The following AGO4 variants were observed in gnomAD, a reference collection of about 807,000 sequenced individuals.
The protein encoded by AGO4 is protein argonaute-4.
AGO4 carries 33 observed loss-of-function variants against 104.7 expected under a neutral mutation model. That is an observed-to-expected ratio of 0.32 (90% CI 0.24 to 0.42). The LOEUF is 0.42. AGO4 is among the 10% of genes least tolerant of loss of function. The probability of loss-of-function intolerance (pLI) is 1.00; values close to 1 mark genes in which losing one functional copy is unlikely to be tolerated. For synonymous variants in AGO4, 331 were observed against 364.7 expected, an observed-to-expected ratio of 0.91 and a Z score of 1.05; for missense variants, 711 against 1,083.4, an observed-to-expected ratio of 0.66 and a Z score of 4.83.
intron 7 of AGO4, among the ~76,000 whole-genome samples, 189 bp downstream of exon 7, chr1:35,827,024 A>AC (rs1644038940): frequency 6.6e-6 from 1 of 151,778 alleles, no homozygotes; most frequent in South Asian, 2.1e-4. Context: ...AGATGGTGAA[A>AC]CCCCATCTCT....
chr1:35,820,339 T>G (rs1643865953), intron 2 of AGO4, among the ~76,000 whole-genome samples: 1 of 152,034 alleles, frequency 6.6e-6, no homozygotes, highest in African/African-American at 2.4e-5. Flanking sequence ...AAACTGAGAT[T>G]AAGAAAGTTT....
chr1:35,851,094 T>G, intron 17 of AGO4, 41 bp downstream of exon 17: 1 of 1,533,048 alleles, frequency 6.5e-7, no homozygotes, highest in Admixed American at 2.1e-5. Flanking sequence ...TATATTTTAG[T>G]AGCATGTTAA....
chr1:35,808,387 G>T lies in AGO4; in HGVS notation c.-30G>T. The T allele has an allele frequency of 9.2e-7, 1 of 1,088,586 alleles. No individual in the cohort carries two copies. The highest frequency in any genetic ancestry group is 1.7e-5 in the African/African-American group (1 of 59,340). The allele number at this position is 1,088,586 out of a possible 1,614,324, so 67.4% of individuals were successfully genotyped here. On this transcript the variant is annotated 5_prime_UTR_variant, in exon 1 of 18. Transcript: ENST00000373210. This position sits in a 1 kb window ranked among gnomAD's most constrained non-coding sequence, Gnocchi z 5.2. ...GGGGCCCGGAGCGGGAGGCGCCGGG[G>T]ACCGGGGCGAGGCGGCCCCCGCCGC...
intron 1 of AGO4, among the ~76,000 whole-genome samples, chr1:35,813,483 G>A (rs545699339): frequency 5.2e-4 from 79 of 151,732 alleles, no homozygotes; most frequent in Non-Finnish European, 8.0e-4. Context: ...TCAGCTGGGC[G>A]TGGTGGCTCA....
intron 3 of AGO4, among the ~76,000 whole-genome samples, chr1:35,824,808 AC>A (rs1216898646): frequency 1.3e-5 from 2 of 152,098 alleles, no homozygotes; most frequent in African/African-American, 4.8e-5. Context: ...CTCAAAAAAA[AC>A]TTATGATGTT....
At chr1:35,830,973 C>CA (rs543347096) in intron 7 of AGO4, among the ~76,000 whole-genome samples, 2,218 of 56,990 alleles carry the variant, frequency 0.039, 49 homozygotes, top group African/African-American at 0.1. Context: ...CTCTGTCTCA[C>CA]AAAAAAAAAA....
At chr1:35,849,591 G>A (rs1453106140) in intron 15 of AGO4, among the ~76,000 whole-genome samples, 3 of 150,720 alleles carry the variant, frequency 2.0e-5, no homozygotes, top group African/African-American at 7.3e-5. Flanking sequence ...GGAGGCTGAG[G>A]TGAAAGGATT....
Position 35,808,529 on chromosome 1 carries a change from G to C in AGO4, c.19+94G>C. 9.1e-7 allele frequency: 1 copy of C among 1,094,330 alleles called. No individual in the cohort carries two copies. Among genetic ancestry groups the C allele is most frequent in the Non-Finnish European group, 1.1e-6 (1 of 884,816 alleles). 67.8% of individuals were successfully genotyped at this position (1,094,330 alleles called of 1,614,324 possible). A position where few individuals can be genotyped will look rare whatever the true frequency, so the allele number is the denominator to read the frequency against. ...GCTGCCCCGTCGCCTCGCCGGGTTC[G>C]GGCCGCCAGGCCTCGGGGAAGGGGA... On this transcript the variant is annotated intron_variant, in intron 1 of 17. Transcript: ENST00000373210. This position sits in a 1 kb window ranked among gnomAD's most constrained non-coding sequence, Gnocchi z 5.2.
At position 35,854,555 on chromosome 1, in the gene AGO4, C is replaced by T. The variant is rs1644778539; in HGVS notation, c.*950C>T. ...CAATGTAGTTTTCTAGATGAGATTT[C>T]AGTATGATTTTATCAGCTATTTCTT... On this transcript the variant is annotated 3_prime_UTR_variant, in exon 18 of 18. Coordinates refer to ENST00000373210, the MANE Select transcript of AGO4 (RefSeq NM_017629.4). 6.6e-6 allele frequency: 1 copy of T among 152,616 alleles called. No individual in the cohort carries two copies. 9.5% of individuals were successfully genotyped at this position (152,616 alleles called of 1,614,324 possible).
chr1:35,857,826 A>G lies in AGO4; in HGVS notation c.*4221A>G, dbSNP rs1644846047. The stretch of plus-strand genomic sequence containing the variant: ...CTCTTGGGTCTCCCTATTTTTAAAA[A>G]TTGCTATTTGGTATACAATTATTAT... On this transcript the variant is annotated 3_prime_UTR_variant, in exon 18 of 18. Coordinates refer to ENST00000373210, the MANE Select transcript of AGO4 (RefSeq NM_017629.4). 2 of 152,256 alleles carry G rather than the reference A, an allele frequency of 1.3e-5. No homozygotes were observed. The highest frequency in any genetic ancestry group is 2.9e-5 in the Non-Finnish European group (2 of 68,046). The allele number at this position is 152,256 out of a possible 1,614,324, so 9.4% of individuals were successfully genotyped here. A position where few individuals can be genotyped will look rare whatever the true frequency, so the allele number is the denominator to read the frequency against.
chr1:35,855,947 G>A lies in AGO4; in HGVS notation c.*2342G>A, dbSNP rs1182835875. The A allele has an allele frequency of 6.6e-6, 1 of 152,228 alleles. No individual in the cohort carries two copies. The highest frequency in any genetic ancestry group is 6.5e-5 in the Admixed American group (1 of 15,286). 9.4% of individuals were successfully genotyped at this position (152,228 alleles called of 1,614,324 possible). On this transcript the variant is annotated 3_prime_UTR_variant, in exon 18 of 18. Transcript: ENST00000373210. The stretch of plus-strand genomic sequence containing the variant: ...CGGGCTTGCTTATTAATAACGCACA[G>A]AAGAAGCATCACTTCTCACCATCTC...
intron 7 of AGO4, 74 bp downstream of exon 7, chr1:35,826,909 A>C: frequency 2.0e-6 from 3 of 1,510,038 alleles, no homozygotes; most frequent in Middle Eastern, 3.5e-4. Context: ...TGTTTTAAGA[A>C]ATTGGTTATT....
chr1:35,841,106 TA>T lies in AGO4; in HGVS notation c.1725-56del. The T allele has an allele frequency of 6.4e-7, 1 of 1,551,144 alleles. No homozygotes were observed. Among genetic ancestry groups the T allele is most frequent in the Non-Finnish European group, 8.8e-7 (1 of 1,135,798 alleles). On this transcript the variant is annotated intron_variant, in intron 13 of 17. Coordinates refer to ENST00000373210, the MANE Select transcript of AGO4 (RefSeq NM_017629.4). This position sits in a 1 kb window ranked among gnomAD's most constrained non-coding sequence, Gnocchi z 4.7. ...ATTATATCTGGTGATATAATCTTGCTAAACTCAAACATTTTCACTTATATGT... is the reference window on the plus strand; with the variant it reads ...ATTATATCTGGTGATATAATCTTGCTAACTCAAACATTTTCACTTATATGT...
chr1:35,850,713 G>A (rs1338329813), intron 16 of AGO4, 141 bp from the exon 17 acceptor site: 13 of 692,022 alleles, frequency 1.9e-5, no homozygotes, highest in East Asian at 5.5e-5. Context: ...GTCCAGAGGC[G>A]GGGGTTTCTG....
Position 35,833,956 on chromosome 1 carries a change from G to T in AGO4, c.1380-34G>T, listed in dbSNP as rs565152108. 3.5e-6 allele frequency: 5 copies of T among 1,413,756 alleles called. No individual in the cohort carries two copies. The South Asian group carries it at 7.2e-5, about 20-fold the overall frequency. 87.6% of individuals were successfully genotyped at this position (1,413,756 alleles called of 1,614,324 possible). A position where few individuals can be genotyped will look rare whatever the true frequency, so the allele number is the denominator to read the frequency against. On this transcript the variant is annotated intron_variant, in intron 11 of 17. Coordinates refer to ENST00000373210, the MANE Select transcript of AGO4 (RefSeq NM_017629.4). ...GAATGCTAGAAATGTACTCTGAAAT[G>T]AAAAAAACCGTGTTACTGGTTCTAT...
At chr1:35,818,666 A>AAGGAAGG (rs1553144595) in intron 2 of AGO4, among the ~76,000 whole-genome samples, 5,601 of 79,492 alleles carry the variant, frequency 0.07, 269 homozygotes, top group Non-Finnish European at 0.089. Context: ...AGAAAGGAAG[A>AAGGAAGG]AAGGAAGGAA....
At position 35,834,104 on chromosome 1, in the gene AGO4, A is replaced by G; in HGVS notation, c.1494A>G (p.Lys498=). 1 of 1,611,576 alleles carries G rather than the reference A, an allele frequency of 6.2e-7. No homozygotes were observed. The highest frequency in any genetic ancestry group is 8.5e-7 in the Non-Finnish European group (1 of 1,179,048). ...QGADSVEPMF[K]HLKMTYVGLQ... ...CAGACAGTGTGGAGCCTATGTTTAA[A>G]CATCTGAAAATGACTTATGTGGGCC... The change falls in exon 12 of 18, where the codon AAA becomes AAG. Residue 498 remains lysine (K), a synonymous_variant. Coordinates refer to ENST00000373210, the MANE Select transcript of AGO4 (RefSeq NM_017629.4).
chr1:35,846,411 C>CACGGTGAAACCCTGTCTCTACTA (rs1644574092), intron 15 of AGO4, among the ~76,000 whole-genome samples: 1 of 151,802 alleles, frequency 6.6e-6, no homozygotes, highest in Non-Finnish European at 1.5e-5. Context: ...TCCTGGCTAC[C>CACGGTGAAACCCTGTCTCTACTA]ACGGTGAAAC....
At position 35,856,898 on chromosome 1, in the gene AGO4, T is replaced by C. The variant is rs1644830112; in HGVS notation, c.*3293T>C. Reference sequence around the variant, plus strand: ...TGAACCAATTATGTTTTGGTGGTGGTGTTCTTAGCTGTTGAATCCTGAATG... The same window carrying C: ...TGAACCAATTATGTTTTGGTGGTGGCGTTCTTAGCTGTTGAATCCTGAATG... On this transcript the variant is annotated 3_prime_UTR_variant, in exon 18 of 18. Transcript: ENST00000373210. 1 of 151,630 alleles carries C rather than the reference T, an allele frequency of 6.6e-6. No homozygotes were observed. Among genetic ancestry groups the C allele is most frequent in the Non-Finnish European group, 1.5e-5 (1 of 67,968 alleles). 9.4% of individuals were successfully genotyped at this position (151,630 alleles called of 1,614,324 possible).
Sources: gnomAD v4.1 joint callset for allele counts (sites outside exome capture counted in the v4.1 genomes callset) on GRCh38, gnomAD v4.1.1 for gene constraint, Gnocchi (gnomAD v3.1) non-coding constraint, MANE v1.5 for transcripts, NCBI Gene and HGNC (gene_info 2026-07-23, HGNC 2026-07-21) for gene names.